The following ZNF234 variants were observed in gnomAD, a reference collection of about 807,000 sequenced individuals.
ZNF234 encodes C2-H2 type zinc finger protein.
ZNF234 carries 4 observed loss-of-function variants against 10.3 expected under a neutral mutation model. The ratio of observed to expected loss-of-function variants is 0.39; its 90% CI spans 0.19 to 0.89. The LOEUF is 0.89. Ranked by LOEUF, ZNF234 falls within the 40% of genes least tolerant of loss-of-function variation. ZNF234 has a pLI of 0.38. For missense variants in ZNF234, 711 were observed against 836.1 expected (o/e 0.85, Z 1.85); for synonymous variants, 258 against 280.1 (o/e 0.92, Z 0.79).
intron 3 of ZNF234, among the ~76,000 whole-genome samples, chr19:44,146,389 A>G (rs1225702538): frequency 6.6e-6 from 1 of 152,212 alleles, no homozygotes; most frequent in Non-Finnish European, 1.5e-5. Flanking sequence ...TCCCTGAGGA[A>G]TCGCCACACT....
At chr19:44,143,033 T>C (rs1308478109) in intron 2 of ZNF234, among the ~76,000 whole-genome samples, 1 of 152,244 alleles carries the variant, frequency 6.6e-6, no homozygotes, top group African/African-American at 2.4e-5. Flanking sequence ...TGACCTGCCA[T>C]ATTCTATCAT....
Position 44,156,560 on chromosome 19 carries a change from G to T in ZNF234, c.544G>T (p.Gly182Ter), listed in dbSNP as rs763297819. The change falls in exon 6 of 6, where the codon GGA (glycine) becomes TGA (stop). Residue 182 changes from glycine (G) to a stop codon, truncating the protein, a stop_gained. Transcript: ENST00000426739. LOFTEE classifies it low-confidence loss of function (END_TRUNC). ...GAAGTCTCATACATGTGATGAGTGT[G>T]GAAAAAGCTTCTGTTACATCTCAGC... The part of the protein sequence containing the change: ...GEKSHTCDEC[G>*]KSFCYISALH... 8.1e-6 allele frequency: 13 copies of T among 1,614,056 alleles called. No homozygotes were observed. In the Admixed American group the frequency reaches 2.2e-4, roughly 27 times the overall value.
chr19:44,154,628 C>CTTTTCTT (rs1568552607), intron 5 of ZNF234, among the ~76,000 whole-genome samples: 1 of 102,434 alleles, frequency 9.8e-6, no homozygotes, highest in African/African-American at 4.0e-5. Flanking sequence ...TTCTCTTTTT[C>CTTTTCTT]TTTTTTTTTT....
At chr19:44,151,031 TAAAA>T (rs56994246) in intron 5 of ZNF234, among the ~76,000 whole-genome samples, 27 of 145,474 alleles carry the variant, frequency 1.9e-4, no homozygotes, top group Non-Finnish European at 2.1e-4. Context: ...CACTCCATCT[TAAAA>T]AAAAAAAAAA....
chr19:44,153,632 C>T (rs891954127), intron 5 of ZNF234, among the ~76,000 whole-genome samples: 1 of 152,166 alleles, frequency 6.6e-6, no homozygotes, highest in South Asian at 2.1e-4. Context: ...TTCCTGCTTT[C>T]TTTTTATCCC....
In ZNF234 at chr19:44,153,756, T is replaced by G. The variant is rs141605371; in HGVS notation, c.236-2496T>G. 9.0e-3 allele frequency among the ~76,000 whole-genome samples: 1,376 copies of G among 152,338 alleles called. 9 individuals are homozygous for G. Among genetic ancestry groups the G allele is most frequent in the Non-Finnish European group, 0.015 (987 of 68,036 alleles). Reference sequence around the variant, plus strand: ...TTACAATTTTCTGTTCTTTTCCTATTTCAAATAACATTTGGAAAAGATGCT... The same window carrying G: ...TTACAATTTTCTGTTCTTTTCCTATGTCAAATAACATTTGGAAAAGATGCT... On this transcript the variant is annotated intron_variant, in intron 5 of 5. Transcript: ENST00000426739.
Position 44,144,584 on chromosome 19 carries a change from C to CA in ZNF234, c.-46dup. Reference sequence around the variant, plus strand: ...TTCCAGGCACGATTCTGCCTTCTCTCAAATGGCATAACTCAGGACTCTGCA... The same window carrying CA: ...TTCCAGGCACGATTCTGCCTTCTCTCAAAATGGCATAACTCAGGACTCTGCA... On this transcript the variant is annotated 5_prime_UTR_variant, in exon 3 of 6. The change creates a new upstream start codon in the 5' untranslated region. Coordinates refer to ENST00000426739, the MANE Select transcript of ZNF234 (RefSeq NM_006630.3). 1 of 1,486,726 alleles carries CA rather than the reference C, an allele frequency of 6.7e-7. No homozygotes were observed. Among genetic ancestry groups the CA allele is most frequent in the South Asian group, 1.5e-5 (1 of 65,984 alleles). The allele number at this position is 1,486,726 out of a possible 1,614,324, so 92.1% of individuals were successfully genotyped here.
intron 3 of ZNF234, among the ~76,000 whole-genome samples, chr19:44,146,786 C>T (rs1403629830): frequency 3.5e-5 from 5 of 144,914 alleles, no homozygotes; most frequent in Non-Finnish European, 4.5e-5. Context: ...AAGCAAGGTG[C>T]TTGCATTCTC....
chr19:44,156,844 G>T lies in ZNF234; in HGVS notation c.828G>T (p.Gln276His). The T allele has an allele frequency of 6.2e-7, 1 of 1,609,814 alleles. No homozygotes were observed. Among genetic ancestry groups the T allele is most frequent in the Non-Finnish European group, 8.5e-7 (1 of 1,176,872 alleles). ...CCTTCATACATGCTTCCCATCTTCA[G>T]GAACATCAGAGAATTCATACTGGGG... The part of the protein sequence containing the change: ...GRAFIHASHL[Q>H]EHQRIHTGEK... The change falls in exon 6 of 6, where the codon CAG (glutamine) becomes CAT (histidine). Residue 276 changes from glutamine (Q) to histidine (H), a missense_variant. By Grantham distance (24) the Gln-to-His change is conservative. Coordinates refer to ENST00000426739, the MANE Select transcript of ZNF234 (RefSeq NM_006630.3).
chr19:44,148,504 C>T (rs1343581292), intron 3 of ZNF234, among the ~76,000 whole-genome samples: 10 of 152,098 alleles, frequency 6.6e-5, no homozygotes, highest in African/African-American at 2.4e-4. Context: ...CAGGATGCGT[C>T]ATTTAGAGTT....
rs1458503883 is a variant in ZNF234 at position 44,159,103 on chromosome 19, C to T, written c.*984C>T. On this transcript the variant is annotated 3_prime_UTR_variant, in exon 6 of 6. Coordinates refer to ENST00000426739, the MANE Select transcript of ZNF234 (RefSeq NM_006630.3). ...ACACCTGTCCTCTCTGTAGTCTCTTCTCTCAAATTTGGTTCTTATTGAGAG... is the reference window on the plus strand; with the variant it reads ...ACACCTGTCCTCTCTGTAGTCTCTTTTCTCAAATTTGGTTCTTATTGAGAG... 2 of 152,246 alleles carry T rather than the reference C, an allele frequency of 1.3e-5. No individual in the cohort carries two copies. The highest frequency in any genetic ancestry group is 2.9e-5 in the Non-Finnish European group (2 of 68,076). The allele number at this position is 152,246 out of a possible 1,614,324, so 9.4% of individuals were successfully genotyped here.
chr19:44,158,005 G>A lies in ZNF234; in HGVS notation c.1989G>A (p.Trp663Ter). 6.2e-7 allele frequency: 1 copy of A among 1,613,798 alleles called. No individual in the cohort carries two copies. The highest frequency in any genetic ancestry group is 8.5e-7 in the Non-Finnish European group (1 of 1,179,856). ...KCEICGKRFSWRSNLVSHHKI... is the reference protein window; with the variant it reads ...KCEICGKRFS ...AGATATGTGGTAAGAGGTTCAGCTGGCGATCAAATCTTGTAAGTCATCACA... is the reference window on the plus strand; with the variant it reads ...AGATATGTGGTAAGAGGTTCAGCTGACGATCAAATCTTGTAAGTCATCACA... The change falls in exon 6 of 6, where the codon TGG becomes TGA. Residue 663 changes from tryptophan (W) to a stop codon, truncating the protein, a stop_gained. Coordinates refer to ENST00000426739, the MANE Select transcript of ZNF234 (RefSeq NM_006630.3). LOFTEE classifies it low-confidence loss of function (END_TRUNC).
rs374740687 is a variant in ZNF234, at chr19:44,157,883, C to G, written c.1867C>G (p.Pro623Ala). The G allele has an allele frequency of 3.7e-6, 6 of 1,613,958 alleles. No homozygotes were observed. In the African/African-American group the frequency reaches 8.0e-5, roughly 22 times the overall value. The change falls in exon 6 of 6, where the codon CCA becomes GCA. Residue 623 changes from proline to alanine, a missense_variant. Coordinates refer to ENST00000426739, the MANE Select transcript of ZNF234 (RefSeq NM_006630.3). ...TCAGAGTGTCCACACAGGAGAGAAA[C>G]CATACAAATGTGATGTATGTGGTAA... Reference protein sequence around the residue: ...LHQSVHTGEKPYKCDVCGKVF... With the variant: ...LHQSVHTGEKAYKCDVCGKVF...
rs1250258566 is a variant in ZNF234 at position 44,157,168 on chromosome 19, T to G, written c.1152T>G (p.Ser384Arg). The change falls in exon 6 of 6, where the codon AGT (serine) becomes AGG (arginine). Residue 384 changes from serine (S) to arginine (R), a missense_variant. Physicochemically the swap from Ser to Arg is moderately radical, Grantham distance 110 (BLOSUM62 -1). Coordinates refer to ENST00000426739, the MANE Select transcript of ZNF234 (RefSeq NM_006630.3). ...CKVCGKGFIY[S>R]SSFQAHQGVH... Reference sequence around the variant, plus strand: ...TGTGTGGTAAGGGTTTCATTTACAGTTCAAGTTTTCAGGCCCATCAGGGAG... The same window carrying G: ...TGTGTGGTAAGGGTTTCATTTACAGGTCAAGTTTTCAGGCCCATCAGGGAG... 1.9e-6 allele frequency: 3 copies of G among 1,614,012 alleles called. No homozygotes were observed. The highest frequency in any genetic ancestry group is 2.5e-6 in the Non-Finnish European group (3 of 1,179,980).
Position 44,157,156 on chromosome 19 carries a change from T to C in ZNF234, c.1140T>C (p.Gly380=). The C allele has an allele frequency of 6.2e-7, 1 of 1,613,746 alleles. No individual in the cohort carries two copies. Among genetic ancestry groups the C allele is most frequent in the Non-Finnish European group, 8.5e-7 (1 of 1,179,916 alleles). The part of the protein sequence containing the change: ...KPYVCKVCGK[G]FIYSSSFQAH... ...ACGTATGTAAAGTGTGTGGTAAGGG[T>C]TTCATTTACAGTTCAAGTTTTCAGG... The change falls in exon 6 of 6, where the codon GGT becomes GGC. Residue 380 remains glycine (G), a synonymous_variant. Coordinates refer to ENST00000426739, the MANE Select transcript of ZNF234 (RefSeq NM_006630.3).
intron 5 of ZNF234, among the ~76,000 whole-genome samples, chr19:44,154,772 C>T (rs879306467): frequency 9.2e-5 from 14 of 151,816 alleles, no homozygotes; most frequent in Admixed American, 3.3e-4. Flanking sequence ...GTGTTAACTA[C>T]GGGTGCGTGC....
rs377483868 is a variant in ZNF234, at chr19:44,144,616, C to T, written c.-17C>T. ...CATAACTCAGGACTCTGCAAATTCC[C>T]AGAAACAGGAGGAAAAATGACCACA... On this transcript the variant is annotated 5_prime_UTR_variant, in exon 3 of 6. Transcript: ENST00000426739. 182 of 1,570,524 alleles carry T rather than the reference C, an allele frequency of 1.2e-4. No homozygotes were observed. The highest frequency in any genetic ancestry group is 1.5e-4 in the Non-Finnish European group (171 of 1,154,710).
chr19:44,158,111 A>G lies in ZNF234; in HGVS notation c.2095A>G (p.Thr699Ala). Residue 699 changes from threonine (T) to alanine (A), a missense_variant, in exon 6 of 6, where the codon ACA becomes GCA. Physicochemically the swap from Thr to Ala is moderately conservative, Grantham distance 58 (BLOSUM62 0). Coordinates refer to ENST00000426739, the MANE Select transcript of ZNF234 (RefSeq NM_006630.3). ...AGAGTTGTCAGAGGGAGGAAGTTCT[A>G]CAAGGTGATTAAAAAAAAAAAAACA... is the stretch of plus-strand genomic sequence containing the variant. ...IRELSEGGSS[T>A]R 6.4e-7 allele frequency: 1 copy of G among 1,557,416 alleles called. No homozygotes were observed. The highest frequency in any genetic ancestry group is 8.6e-7 in the Non-Finnish European group (1 of 1,165,404).
At chr19:44,155,056 ATTTCCAAATAT>A (rs1388786701) in intron 5 of ZNF234, among the ~76,000 whole-genome samples, 1 of 152,194 alleles carries the variant, frequency 6.6e-6, no homozygotes, top group African/African-American at 2.4e-5. Context: ...TTAAAAAATA[ATTTCCAAATAT>A]TTATATCTCT....
Sources: allele counts gnomAD v4.1 joint callset (sites outside exome capture counted in the v4.1 genomes callset), GRCh38; gene constraint gnomAD v4.1.1; transcripts MANE v1.5; gene names NCBI Gene and HGNC (gene_info 2026-07-23, HGNC 2026-07-21).